Variants in CALR3 observed in about 807,000 individuals in gnomAD.
CALR3 encodes calreticulin 3, also known as calreticulin-3.
CALR3 carries 39 observed loss-of-function variants against 48.7 expected under a neutral mutation model. The observed-to-expected ratio is 0.80, with a 90% CI of 0.62 to 1.05. CALR3 has a LOEUF of 1.05. Among genes scored for constraint, CALR3 ranks in the 50% least tolerant of loss-of-function variants. The probability of loss-of-function intolerance (pLI) is 0.00; values close to 1 mark genes in which losing one functional copy is unlikely to be tolerated. For synonymous variants in CALR3, 185 were observed against 172.7 expected (o/e 1.07, Z -0.56); for missense variants, 449 against 474.7 (o/e 0.95, Z 0.50).
intron 3 of CALR3, among the ~76,000 whole-genome samples, chr19:16,489,817 GAAACAAAAACAAAAACAA>G (rs148825407): frequency 0.041 from 6,069 of 149,358 alleles, 292 homozygotes; most frequent in African/African-American, 0.1. Flanking sequence ...ACTCGGGCTC[GAAACAAAAACAAAAACAA>G]AAACAAAAAC....
chr19:16,496,037 A>G lies in CALR3; in HGVS notation c.91+2T>C. The G allele has an allele frequency of 6.3e-7, 1 of 1,590,138 alleles. No individual in the cohort carries two copies. The highest frequency in any genetic ancestry group is 1.1e-5 in the South Asian group (1 of 88,342). On this transcript the variant is annotated splice_donor_variant, in intron 1 of 8. Coordinates refer to ENST00000269881, the MANE Select transcript of CALR3 (RefSeq NM_145046.5). LOFTEE classifies it high-confidence loss of function. ...CCGCCACCACGGGCGTGGCCCCTTC[A>G]CCTCCGTCTAGAAATTCCTCTTGGA...
chr19:16,488,003 C>T (rs10469465), intron 3 of CALR3, among the ~76,000 whole-genome samples: 101,550 of 151,712 alleles, frequency 0.67, 34,241 homozygotes, highest in South Asian at 0.75. Context: ...TTAGTAGAGA[C>T]GGGGTTTCAC....
At chr19:16,489,051 A>G (rs2093393643) in intron 3 of CALR3, among the ~76,000 whole-genome samples, 1 of 152,240 alleles carries the variant, frequency 6.6e-6, no homozygotes, top group Non-Finnish European at 1.5e-5. Flanking sequence ...ATTTTCATGT[A>G]TCACAAAATA....
chr19:16,485,331 C>CTTT, intron 3 of CALR3, 74 bp from the exon 4 acceptor site: 19 of 762,822 alleles, frequency 2.5e-5, no homozygotes, highest in Non-Finnish European at 3.4e-5. Context: ...CACAACCATT[C>CTTT]TTTTTTTTTT....
intron 3 of CALR3, among the ~76,000 whole-genome samples, chr19:16,490,083 C>A (rs1420313475): frequency 6.6e-6 from 1 of 152,072 alleles, no homozygotes; most frequent in Non-Finnish European, 1.5e-5. Flanking sequence ...CACTCTGGTC[C>A]CAAACATTTC....
At chr19:16,491,478 A>G (rs2093397985) in intron 2 of CALR3, among the ~76,000 whole-genome samples, 1 of 151,024 alleles carries the variant, frequency 6.6e-6, no homozygotes, top group South Asian at 2.1e-4. Flanking sequence ...AGCCATAGAC[A>G]ATATATAAAT....
At chr19:16,492,290 C>T (rs758042037) in intron 2 of CALR3, among the ~76,000 whole-genome samples, 10 of 152,028 alleles carry the variant, frequency 6.6e-5, no homozygotes, top group Non-Finnish European at 1.2e-4. Flanking sequence ...AACTCCATTT[C>T]TACTAAAAAT....
intron 4 of CALR3, among the ~76,000 whole-genome samples, chr19:16,484,931 T>C (rs762192729): frequency 7.2e-5 from 11 of 152,160 alleles, no homozygotes; most frequent in Non-Finnish European, 1.3e-4. Context: ...TGACATGTCA[T>C]AGCTCACAGT....
At position 16,479,177 on chromosome 19, in the gene CALR3, C is replaced by T. The variant is rs1037886844; in HGVS notation, c.1109G>A (p.Arg370Lys). 5.6e-6 allele frequency: 9 copies of T among 1,613,972 alleles called. No homozygotes were observed. The highest frequency in any genetic ancestry group is 5.9e-6 in the Non-Finnish European group (7 of 1,180,038). Residue 370 changes from arginine (R) to lysine (K), a missense_variant, in exon 9 of 9, where the codon AGG (arginine) becomes AAG (lysine). Transcript: ENST00000269881. Reference protein sequence around the residue: ...EEELLSGKINRHEHYFNQFHR... With the variant: ...EEELLSGKINKHEHYFNQFHR... ...AAATTGATTGAAGTAATGTTCGTGC[C>T]TGTTAATTTTTCCCGACAGCAGCTC...
chr19:16,494,033 C>CGACAA (rs1200698980), intron 2 of CALR3, among the ~76,000 whole-genome samples: 1 of 151,892 alleles, frequency 6.6e-6, no homozygotes, highest in Non-Finnish European at 1.5e-5. Context: ...AATGTGCAGG[C>CGACAA]GACAAGATGT....
Position 16,480,653 on chromosome 19 carries a change from G to A in CALR3, c.972C>T (p.Tyr324=), listed in dbSNP as rs9305079. Residue 324 remains tyrosine (Y), a synonymous_variant, in exon 8 of 9, where the codon TAC becomes TAT. Coordinates refer to ENST00000269881, the MANE Select transcript of CALR3 (RefSeq NM_145046.5). The part of the protein sequence containing the change: ...DNFLITDDEE[Y]ADNFGKATWG... ...AGGTGGCCTTGCCAAAATTATCTGCGTACTCTTCATCATCTGTGATCAGAA... is the reference window on the plus strand; with the variant it reads ...AGGTGGCCTTGCCAAAATTATCTGCATACTCTTCATCATCTGTGATCAGAA... 0.69 allele frequency: 1,117,647 copies of A among 1,612,136 alleles called. 389,840 individuals are homozygous for A. The highest frequency in any genetic ancestry group is 0.77 in the Middle Eastern group (4,651 of 6,060).
chr19:16,484,173 CTTTTCT>C, intron 4 of CALR3, 58 bp from the exon 5 acceptor site: 1 of 1,315,902 alleles, frequency 7.6e-7, no homozygotes, highest in Non-Finnish European at 1.0e-6. Flanking sequence ...TTTTTCTTTT[CTTTTCT>C]TTTTTTTTTT....
At chr19:16,483,065 G>A (rs994310796) in intron 5 of CALR3, among the ~76,000 whole-genome samples, 9 of 151,910 alleles carry the variant, frequency 5.9e-5, no homozygotes, top group South Asian at 4.2e-4. Flanking sequence ...GGCTGGTCTC[G>A]AACTCCTGGG....
intron 3 of CALR3, among the ~76,000 whole-genome samples, chr19:16,488,813 C>T (rs1433344842): frequency 6.6e-6 from 1 of 152,156 alleles, no homozygotes; most frequent in Non-Finnish European, 1.5e-5. Context: ...TAATCAAGTA[C>T]CCCTGTTGTC....
At chr19:16,495,241 A>G (rs1322943408) in intron 2 of CALR3, among the ~76,000 whole-genome samples, 1 of 147,048 alleles carries the variant, frequency 6.8e-6, no homozygotes, top group Non-Finnish European at 1.5e-5. Flanking sequence ...AAAAAAAAAA[A>G]AAAAAAAAAG....
In CALR3 at chr19:16,494,936, TAATAATAATGATAATAGGCC is replaced by T. The variant is rs1306299046; in HGVS notation, c.193+795_193+814del. Among the ~76,000 whole-genome samples, 8 of 152,136 alleles carry T rather than the reference TAATAATAATGATAATAGGCC, an allele frequency of 5.3e-5. No homozygotes were observed. The East Asian group carries it at 1.5e-3, about 29-fold the overall frequency. ...TCAGGGGACCTAATACCAATAAAAGTAATAATAATGATAATAGGCCAAGCACCATGGCTCACGCCTATAAT... is the reference window on the plus strand; with the variant it reads ...TCAGGGGACCTAATACCAATAAAAGTAAGCACCATGGCTCACGCCTATAAT... On this transcript the variant is annotated intron_variant, in intron 2 of 8. Coordinates refer to ENST00000269881, the MANE Select transcript of CALR3 (RefSeq NM_145046.5).
chr19:16,483,334 A>G (rs927826642), intron 5 of CALR3, among the ~76,000 whole-genome samples: 6 of 152,148 alleles, frequency 3.9e-5, no homozygotes, highest in Non-Finnish European at 5.9e-5. Flanking sequence ...AACCTGCCAT[A>G]TGACTTTAGC....
chr19:16,483,914 C>T lies in CALR3; in HGVS notation c.678+16G>A, dbSNP rs1395283896. The stretch of plus-strand genomic sequence containing the variant: ...CATTTGTGCACTTTTTAGAGTTGCC[C>T]AGGAAAAATTCACACCTGGGCTTTG... On this transcript the variant is annotated intron_variant, in intron 5 of 8. Coordinates refer to ENST00000269881, the MANE Select transcript of CALR3 (RefSeq NM_145046.5). 1.2e-6 allele frequency: 2 copies of T among 1,613,118 alleles called. No individual in the cohort carries two copies. Among genetic ancestry groups the T allele is most frequent in the East Asian group, 2.2e-5 (1 of 44,846 alleles).
chr19:16,482,548 C>G lies in CALR3; in HGVS notation c.820G>C (p.Val274Leu), dbSNP rs12459238. ...GLKPEGIHKD[V>L]WLHRKMKNTD... ...TTCTTCATCTTACGGTGGAGCCAGA[C>G]GTCTTTATGAATACCTTCTGGTTTC... Residue 274 changes from valine (V) to leucine (L), a missense_variant, in exon 7 of 9, where the codon GTC (valine) becomes CTC (leucine). Physicochemically the swap from Val to Leu is conservative, Grantham distance 32. Coordinates refer to ENST00000269881, the MANE Select transcript of CALR3 (RefSeq NM_145046.5). 1 of 1,614,172 alleles carries G rather than the reference C, an allele frequency of 6.2e-7. No homozygotes were observed. The highest frequency in any genetic ancestry group is 1.3e-5 in the African/African-American group (1 of 75,044).
Sources: allele counts gnomAD v4.1 joint callset (sites outside exome capture counted in the v4.1 genomes callset), GRCh38; gene constraint gnomAD v4.1.1; transcripts MANE v1.5; gene names NCBI Gene and HGNC (gene_info 2026-07-23, HGNC 2026-07-21).